PRAM1: variants seen among roughly 807,000 people sequenced by gnomAD.
PRAM1 encodes the protein PML-RARA-regulated adapter molecule 1.
A neutral mutation model predicts 55.3 loss-of-function variants in PRAM1; 41 were observed. That is an observed-to-expected ratio of 0.74 (90% CI 0.58 to 0.96). PRAM1 has a LOEUF of 0.96. PRAM1 is among the 40% of genes least tolerant of loss of function. The pLI is 0.00. For synonymous variants in PRAM1, 401 were observed against 387.1 expected, an observed-to-expected ratio of 1.04 and a Z score of -0.42; for missense variants, 898 against 892.7, an observed-to-expected ratio of 1.01 and a Z score of -0.08.
Position 8,498,229 on chromosome 19 carries a change from A to T in PRAM1, c.1493T>A (p.Ile498Asn), listed in dbSNP as rs762863817. Residue 498 changes from isoleucine (I) to asparagine (N), a missense_variant, in exon 3 of 10, where the codon ATC becomes AAC. Physicochemically the swap from Ile to Asn is moderately radical, Grantham distance 149. Around this residue, in one of 4 missense-constraint regions of PRAM1, gnomAD observed 787 missense variants for 735.4 expected, o/e 1.07. Transcript: ENST00000423345. ...LHFQDRQPED[I>N]PQVPDEIYEL... ...GCTTCCTCCCCACACTCACTGCGGG[A>T]TGTCTTCAGGCTGTCGGTCCTGGAA... The T allele has an allele frequency of 2.5e-6, 4 of 1,612,100 alleles. No individual in the cohort carries two copies. The African/African-American group carries it at 5.3e-5, about 22-fold the overall frequency.
At chr19:8,495,260 T>C (rs1040980033) in intron 4 of PRAM1, among the ~76,000 whole-genome samples, 8 of 152,050 alleles carry the variant, frequency 5.3e-5, no homozygotes, top group African/African-American at 7.2e-5. Flanking sequence ...CCACCACACC[T>C]GGCGAATTTT....
chr19:8,490,635 G>C lies in PRAM1; in HGVS notation c.1865C>G (p.Thr622Ser). 1 of 1,586,112 alleles carries C rather than the reference G, an allele frequency of 6.3e-7. No individual in the cohort carries two copies. The highest frequency in any genetic ancestry group is 1.1e-5 in the South Asian group (1 of 87,990). ...CCGGCACAGCATCTCCTCATTGCTGGTGAACTCGATCACCTCCAGGATCTC... is the reference window on the plus strand; with the variant it reads ...CCGGCACAGCATCTCCTCATTGCTGCTGAACTCGATCACCTCCAGGATCTC... ...RGEILEVIEFTSNEEMLCRDP... is the reference protein window; with the variant it reads ...RGEILEVIEFSSNEEMLCRDP... Residue 622 changes from threonine to serine, a missense_variant, in exon 7 of 10, where the codon ACC becomes AGC. Thr to Ser is a moderately conservative substitution (Grantham distance 58). This residue lies in a region of PRAM1 where 787 missense variants were observed against 735.4 expected (regional missense o/e 1.07). Transcript: ENST00000423345. This position sits in a 1 kb window ranked among gnomAD's most constrained non-coding sequence, Gnocchi z 7.3.
intron 4 of PRAM1, 35 bp downstream of exon 4, chr19:8,497,729 T>A (rs918089166): frequency 2.4e-5 from 37 of 1,562,790 alleles, no homozygotes; most frequent in Middle Eastern, 3.4e-4. Context: ...TTGCCCCGAA[T>A]GTTTTGCAGG....
chr19:8,501,992 G>A (rs898194738), intron 1 of PRAM1, among the ~76,000 whole-genome samples: 2 of 152,196 alleles, frequency 1.3e-5, no homozygotes, highest in Admixed American at 6.5e-5. Context: ...GGAAAGGGCA[G>A]AAACGTGTGG....
At chr19:8,497,949 C>T (rs770380736) in intron 3 of PRAM1, 109 bp from the exon 4 acceptor site, 46 of 813,258 alleles carry the variant, frequency 5.7e-5, no homozygotes, top group Non-Finnish European at 6.8e-5. Context: ...GGCATGATCT[C>T]GGGCTCACTG....
chr19:8,491,598 C>T (rs183212022), intron 4 of PRAM1: 1 of 215,640 alleles, frequency 4.6e-6, no homozygotes, highest in African/African-American at 2.3e-5. Context: ...CCCACCAGGT[C>T]CCCTCCCAAA....
chr19:8,502,231 G>A (rs1034469944), intron 1 of PRAM1, among the ~76,000 whole-genome samples: 25 of 152,186 alleles, frequency 1.6e-4, no homozygotes, highest in Non-Finnish European at 7.4e-5. Context: ...TTGTCACCCC[G>A]CAGGAAAGCA....
chr19:8,497,231 T>G (rs1234485887), intron 4 of PRAM1, among the ~76,000 whole-genome samples: 1 of 149,090 alleles, frequency 6.7e-6, no homozygotes, highest in Non-Finnish European at 1.5e-5. Flanking sequence ...AGTACAGTGG[T>G]GGAGTCACAG....
chr19:8,501,230 C>T (rs1427948042), intron 1 of PRAM1, among the ~76,000 whole-genome samples: 2 of 150,948 alleles, frequency 1.3e-5, no homozygotes, highest in Non-Finnish European at 2.9e-5. Flanking sequence ...TAGCTGGGAT[C>T]ACAGGTGTCT....
chr19:8,499,234 G>A lies in PRAM1; in HGVS notation c.574C>T (p.Leu192Phe). 6.2e-7 allele frequency: 1 copy of A among 1,612,396 alleles called. No homozygotes were observed. Among genetic ancestry groups the A allele is most frequent in the Non-Finnish European group, 8.5e-7 (1 of 1,178,972 alleles). ...GCCTCACCGGCCTCGGGTTGCCAGA[G>A]CTTCCTGGGGAATGCGCCGGATTTG... ...EPKSGAFPRK[L>F]WQPEAGEATP... The change falls in exon 2 of 10, where the codon CTC (leucine) becomes TTC (phenylalanine). Residue 192 changes from leucine (L) to phenylalanine (F), a missense_variant. Physicochemically the swap from Leu to Phe is conservative, Grantham distance 22. Coordinates refer to ENST00000423345, the MANE Select transcript of PRAM1 (RefSeq NM_032152.5).
chr19:8,498,523 C>T lies in PRAM1; in HGVS notation c.1285G>A (p.Ala429Thr), dbSNP rs774750966. Residue 429 changes from alanine (A) to threonine (T), a missense_variant, in exon 2 of 10, where the codon GCC (alanine) becomes ACC (threonine). By Grantham distance (58) the Ala-to-Thr change is moderately conservative. This residue lies in a region of PRAM1 where 787 missense variants were observed against 735.4 expected (regional missense o/e 1.07). Transcript: ENST00000423345. ...TGGCTGGGTCTGAGGCCTGGCCTGG[C>T]CCCTCCACTGTGAACCAGGCCTCCT... is the stretch of plus-strand genomic sequence containing the variant. ...RSGGLVHSGG[A>T]RPGLRPSHPP... 2.5e-6 allele frequency: 4 copies of T among 1,605,896 alleles called. No homozygotes were observed. The highest frequency in any genetic ancestry group is 3.4e-6 in the Non-Finnish European group (4 of 1,176,406).
In PRAM1 at chr19:8,498,707, C is replaced by T. The variant is rs1555714407; in HGVS notation, c.1101G>A (p.Lys367=). The change falls in exon 2 of 10, where the codon AAG becomes AAA. Residue 367 remains lysine, a synonymous_variant. Coordinates refer to ENST00000423345, the MANE Select transcript of PRAM1 (RefSeq NM_032152.5). ...CGAAGAACTCAGGCTGCGGGTGTCTCTTGAGGACAGCGCTGGGCTCAGGCT... is the reference window on the plus strand; with the variant it reads ...CGAAGAACTCAGGCTGCGGGTGTCTTTTGAGGACAGCGCTGGGCTCAGGCT... ...FSQPEPSAVL[K]RHPQPEFFGD... 1.9e-6 allele frequency: 3 copies of T among 1,598,176 alleles called. No homozygotes were observed. The highest frequency in any genetic ancestry group is 2.2e-5 in the South Asian group (2 of 89,082).
At position 8,490,339 on chromosome 19, in the gene PRAM1, G is replaced by A. The variant is rs200993518; in HGVS notation, c.1974C>T (p.Cys658=). The A allele has an allele frequency of 3.3e-5, 54 of 1,613,856 alleles. No homozygotes were observed. The highest frequency in any genetic ancestry group is 8.3e-5 in the Admixed American group (5 of 59,998). ...AGCCCTCCCAGAGTGTCCACGTACC[G>A]CAGAAGTCGACATCATCGTACACCT... ...ETEVYDDVDF[C]DPLENQPLPL... Residue 658 remains cysteine (C), a splice_region_variant and synonymous_variant, in exon 9 of 10, where the codon TGC becomes TGT. Coordinates refer to ENST00000423345, the MANE Select transcript of PRAM1 (RefSeq NM_032152.5). This position sits in a 1 kb window ranked among gnomAD's most constrained non-coding sequence, Gnocchi z 7.3.
At chr19:8,499,902 C>T (rs1237601817) in intron 1 of PRAM1, 122 bp from the exon 2 acceptor site, 7 of 809,440 alleles carry the variant, frequency 8.6e-6, no homozygotes, top group Non-Finnish European at 1.3e-5. Context: ...CCCGGTCAGC[C>T]CTCAGCTCTT....
rs769331971 is a variant in PRAM1 at position 8,499,118 on chromosome 19, C to A, written c.690G>T (p.Gln230His). Residue 230 changes from glutamine (Q) to histidine (H), a missense_variant, in exon 2 of 10, where the codon CAG (glutamine) becomes CAT (histidine). By Grantham distance (24) the Gln-to-His change is conservative. Transcript: ENST00000423345. ...EFNVYPKKPP[Q>H]PQVGGLPKKS... is the part of the protein sequence containing the mutation. Reference sequence around the variant, plus strand: ...TCTTAGGGAGGCCACCGACCTGAGGCTGCGGAGGCTTTTTGGGGTACACGT... The same window carrying A: ...TCTTAGGGAGGCCACCGACCTGAGGATGCGGAGGCTTTTTGGGGTACACGT... 6.2e-7 allele frequency: 1 copy of A among 1,613,782 alleles called. No individual in the cohort carries two copies. The highest frequency in any genetic ancestry group is 8.5e-7 in the Non-Finnish European group (1 of 1,179,824).
chr19:8,494,934 T>TTG (rs989033158), intron 4 of PRAM1, among the ~76,000 whole-genome samples: 3 of 134,936 alleles, frequency 2.2e-5, no homozygotes, highest in African/African-American at 8.3e-5. Context: ...CGCCTGGCCT[T>TTG]TTTTTTTTTT....
chr19:8,500,541 C>A (rs1379775780), intron 1 of PRAM1, among the ~76,000 whole-genome samples: 1 of 152,104 alleles, frequency 6.6e-6, no homozygotes, highest in East Asian at 1.9e-4. Context: ...TTCCTCATGT[C>A]CCCACAGTTC....
At position 8,499,105 on chromosome 19, in the gene PRAM1, C is replaced by T. The variant is rs369494902; in HGVS notation, c.703G>A (p.Gly235Ser). The change falls in exon 2 of 10, where the codon GGC becomes AGC. Residue 235 changes from glycine (G) to serine (S), a missense_variant. Physicochemically the swap from Gly to Ser is moderately conservative, Grantham distance 56. Around this residue, in one of 4 missense-constraint regions of PRAM1, gnomAD observed 787 missense variants for 735.4 expected, o/e 1.07. Coordinates refer to ENST00000423345, the MANE Select transcript of PRAM1 (RefSeq NM_032152.5). The stretch of plus-strand genomic sequence containing the variant: ...TGCGGCACGGACTTCTTAGGGAGGC[C>T]ACCGACCTGAGGCTGCGGAGGCTTT... ...PKKPPQPQVG[G>S]LPKKSVPQPE... 39 of 1,613,642 alleles carry T rather than the reference C, an allele frequency of 2.4e-5. No homozygotes were observed. The African/African-American group carries it at 4.4e-4, about 18-fold the overall frequency.
chr19:8,499,028 G>T lies in PRAM1; in HGVS notation c.780C>A (p.Ser260Arg), dbSNP rs80155757. 7,405 of 1,613,576 alleles carry T rather than the reference G, an allele frequency of 4.6e-3. 270 individuals are homozygous for T. The African/African-American group carries it at 0.082, about 18-fold the overall frequency. ...AQTPLWKPQS[S>R]EPKRDSSAFP... ...AGGCGCTGGAGTCGCGCTTCGGCTC[G>T]CTGGACTGAGGCTTCCAGAGGGGAG... Residue 260 changes from serine (S) to arginine (R), a missense_variant, in exon 2 of 10, where the codon AGC becomes AGA. Transcript: ENST00000423345.
Sources: gnomAD v4.1 joint callset for allele counts (sites outside exome capture counted in the v4.1 genomes callset) on GRCh38, gnomAD v4.1.1 for gene constraint, gnomAD v4.1.1 regional missense constraint, Gnocchi (gnomAD v3.1) non-coding constraint, MANE v1.5 for transcripts, NCBI Gene and HGNC (gene_info 2026-07-23, HGNC 2026-07-21) for gene names.